The following CSMD1 variants were observed in gnomAD, a reference collection of about 807,000 sequenced individuals.
CSMD1 encodes the protein CUB and sushi domain-containing protein 1.
In CSMD1, 213 loss-of-function variants were observed where a neutral mutation model predicts 417.5. The ratio of observed to expected loss-of-function variants is 0.51; its 90% CI spans 0.46 to 0.57. The LOEUF is 0.57. Among genes scored for constraint, CSMD1 ranks in the 20% least tolerant of loss-of-function variants. The pLI is 0.00. For synonymous variants in CSMD1, 2,862 were observed against 1,736.8 expected, an observed-to-expected ratio of 1.65 and a Z score of -16.11; for missense variants, 6,923 against 4,529.7, an observed-to-expected ratio of 1.53 and a Z score of -15.17.
intron 12 of CSMD1, among the ~76,000 whole-genome samples, chr8:3,452,637 T>C (rs1043706440): frequency 3.9e-5 from 6 of 152,244 alleles, no homozygotes; most frequent in Non-Finnish European, 8.8e-5. Flanking sequence ...TTGGGTATGT[T>C]GAATCAGCCT....
At chr8:4,651,899 A>G (rs1342133835) in intron 1 of CSMD1, among the ~76,000 whole-genome samples, 1 of 152,202 alleles carries the variant, frequency 6.6e-6, no homozygotes, top group African/African-American at 2.4e-5. Context: ...GAGACATTAG[A>G]TTATCTTTCA....
At chr8:3,615,627 C>T (rs921025639) in intron 8 of CSMD1, among the ~76,000 whole-genome samples, 2 of 152,104 alleles carry the variant, frequency 1.3e-5, no homozygotes, top group African/African-American at 4.8e-5. Flanking sequence ...TCTTATTTTT[C>T]TATTGCTTTT....
rs77721398 is a variant in CSMD1 at position 3,974,536 on chromosome 8, T to G, written c.818+23367A>C. On this transcript the variant is annotated intron_variant, in intron 5 of 69. Coordinates refer to ENST00000635120, the MANE Select transcript of CSMD1 (RefSeq NM_033225.6). ...AAAATCTTTCATAGTAGTTGTTTAG[T>G]TGTCTCAAAATATTTAAATGTTTGC... is the stretch of plus-strand genomic sequence containing the variant. Among the ~76,000 whole-genome samples, 1,469 of 152,138 alleles carry G rather than the reference T, an allele frequency of 9.7e-3. 22 individuals are homozygous for G. Among genetic ancestry groups the G allele is most frequent in the African/African-American group, 0.033 (1,370 of 41,550 alleles).
intron 3 of CSMD1, among the ~76,000 whole-genome samples, chr8:4,051,429 T>A (rs186958255): frequency 6.6e-6 from 1 of 151,948 alleles, no homozygotes; most frequent in Admixed American, 6.6e-5. Context: ...GACCGCAAGG[T>A]TGAAAACGCT....
At chr8:3,700,991 C>T (rs4424282) in intron 7 of CSMD1, among the ~76,000 whole-genome samples, 144,589 of 151,184 alleles carry the variant, frequency 0.96, 69,209 homozygotes, top group East Asian at 1. Flanking sequence ...TGAGGGGCGA[C>T]GGTGGTTTGG....
chr8:4,004,566 T>G (rs902340312), intron 4 of CSMD1, among the ~76,000 whole-genome samples: 1 of 152,118 alleles, frequency 6.6e-6, no homozygotes, highest in Non-Finnish European at 1.5e-5. Flanking sequence ...AATTTGGTAT[T>G]ATAAACAAAA....
At chr8:3,211,535 C>G (rs765408397) in intron 30 of CSMD1, among the ~76,000 whole-genome samples, 3 of 152,160 alleles carry the variant, frequency 2.0e-5, no homozygotes, top group Non-Finnish European at 2.9e-5. Context: ...GTTTTGGAAA[C>G]CAGTTACATA....
intron 3 of CSMD1, among the ~76,000 whole-genome samples, chr8:4,116,169 T>C (rs1010072370): frequency 2.0e-5 from 3 of 152,014 alleles, no homozygotes; most frequent in Non-Finnish European, 2.9e-5. Flanking sequence ...AATTTTTGTA[T>C]TTTTAGTACA....
At position 3,853,726 on chromosome 8, in the gene CSMD1, G is replaced by C. The variant is rs145554761; in HGVS notation, c.819-99684C>G. 8.1e-3 allele frequency among the ~76,000 whole-genome samples: 1,224 copies of C among 151,942 alleles called. 10 individuals carry two copies. The highest frequency in any genetic ancestry group is 0.014 in the African/African-American group (577 of 41,432). ...TCAGTAAAGAAACCACCTCGGGGTG[G>C]GGGGAGCAGGGAAGGACAGCATTAG... On this transcript the variant is annotated intron_variant, in intron 5 of 69. Coordinates refer to ENST00000635120, the MANE Select transcript of CSMD1 (RefSeq NM_033225.6).
chr8:4,228,997 A>C (rs1259083464), intron 3 of CSMD1, among the ~76,000 whole-genome samples: 1 of 152,096 alleles, frequency 6.6e-6, no homozygotes, highest in Non-Finnish European at 1.5e-5. Context: ...GCGAACCTGG[A>C]CTTTTCCATG....
chr8:3,158,115 G>A, intron 38 of CSMD1, 149 bp from the exon 39 acceptor site: 1 of 643,798 alleles, frequency 1.6e-6, no homozygotes, highest in Non-Finnish European at 2.7e-6. Context: ...TTTTAGTAAT[G>A]ATTATTAGTG....
intron 1 of CSMD1, among the ~76,000 whole-genome samples, chr8:4,656,250 T>G (rs1219281452): frequency 2.0e-5 from 3 of 151,938 alleles, no homozygotes; most frequent in African/African-American, 7.3e-5. Context: ...AGCCAGACTT[T>G]CAGGGGGCAG....
intron 3 of CSMD1, among the ~76,000 whole-genome samples, chr8:4,237,117 G>A (rs141031075): frequency 6.6e-6 from 1 of 152,128 alleles, no homozygotes; most frequent in Non-Finnish European, 1.5e-5. Flanking sequence ...TCAAGAACTA[G>A]CTACTTTGCA....
intron 25 of CSMD1, among the ~76,000 whole-genome samples, chr8:3,299,948 T>C (rs945170274): frequency 6.6e-6 from 1 of 152,160 alleles, no homozygotes; most frequent in Admixed American, 6.5e-5. Flanking sequence ...AAAATTGAAA[T>C]GTGCAAACAT....
At chr8:4,201,893 G>GGC (rs1008150176) in intron 3 of CSMD1, among the ~76,000 whole-genome samples, 1 of 148,188 alleles carries the variant, frequency 6.7e-6, no homozygotes, top group African/African-American at 2.5e-5. Flanking sequence ...ATTTTGGGGG[G>GGC]GGGGGGCGCT....
intron 2 of CSMD1, among the ~76,000 whole-genome samples, chr8:4,490,039 A>ATT (rs67307681): frequency 4.1e-4 from 54 of 131,276 alleles, no homozygotes; most frequent in South Asian, 5.2e-4. Context: ...TCAGGTACCA[A>ATT]TTTTTTTTTT....
In CSMD1 at chr8:3,223,848, C is replaced by A. The variant is rs1456755657; in HGVS notation, c.4365G>T (p.Leu1455=). Residue 1455 remains leucine (L), a synonymous_variant, in exon 28 of 70, where the codon CTG becomes CTT. Transcript: ENST00000635120. The part of the protein sequence containing the change: ...PTCIAACGGN[L]TGPAGVILSP... ...ACAAAATAACACCTGCTGGGCCCGT[C>A]AGATTCCCTCCACAAGCAGCTGTCA... 5.6e-6 allele frequency: 9 copies of A among 1,613,682 alleles called. No homozygotes were observed. The Admixed American group carries it at 1.5e-4, about 27-fold the overall frequency.
chr8:4,080,387 A>T (rs573485316), intron 3 of CSMD1, among the ~76,000 whole-genome samples: 1 of 152,348 alleles, frequency 6.6e-6, no homozygotes, highest in South Asian at 2.1e-4. Flanking sequence ...AGAATTCTAC[A>T]TATTGAATTT....
At chr8:4,970,555 T>C (rs969433745) in intron 1 of CSMD1, among the ~76,000 whole-genome samples, 3 of 152,058 alleles carry the variant, frequency 2.0e-5, no homozygotes, top group African/African-American at 7.2e-5. Flanking sequence ...GGACAACAGG[T>C]GGTATGAACA....
Sources: allele counts gnomAD v4.1 joint callset (sites outside exome capture counted in the v4.1 genomes callset), GRCh38; gene constraint gnomAD v4.1.1; transcripts MANE v1.5; gene names NCBI Gene and HGNC (gene_info 2026-07-23, HGNC 2026-07-21).